ADGRB1: variants seen among roughly 807,000 people sequenced by gnomAD.
ADGRB1 encodes adhesion G protein-coupled receptor B1, also known as brain-specific angiogenesis inhibitor 1.
Under a neutral mutation model 175.7 loss-of-function variants are expected in ADGRB1, and 36 were observed. That is an observed-to-expected ratio of 0.20 (90% CI 0.16 to 0.27). The LOEUF is 0.27. ADGRB1 is among the 10% of genes least tolerant of loss of function. The pLI, the probability that ADGRB1 is intolerant of heterozygous loss-of-function variation, is 1.00. For missense variants in ADGRB1, 1,731 were observed against 2,255.3 expected, an observed-to-expected ratio of 0.77 and a Z score of 4.71; for synonymous variants, 1,054 against 979.4, an observed-to-expected ratio of 1.08 and a Z score of -1.42.
chr8:142,542,536 G>C lies in ADGRB1; in HGVS notation c.4302G>C (p.Pro1434=), dbSNP rs1028632485. The C allele has an allele frequency of 2.8e-6, 4 of 1,446,758 alleles. No individual in the cohort carries two copies. The highest frequency in any genetic ancestry group is 3.7e-6 in the Non-Finnish European group (4 of 1,090,840). The allele number at this position is 1,446,758 out of a possible 1,614,324, so 89.6% of individuals were successfully genotyped here. The change falls in exon 28 of 31, where the codon CCG becomes CCC. Residue 1434 remains proline (P), a synonymous_variant. Coordinates refer to ENST00000517894, the MANE Select transcript of ADGRB1 (RefSeq NM_001702.3). This position sits in a 1 kb window ranked among gnomAD's most constrained non-coding sequence, Gnocchi z 6.3. The stretch of plus-strand genomic sequence containing the variant: ...TGCCCCCACCGCCCAATCTGGAGCC[G>C]GCACCCCCCAGCCTGGGGGATCCCG... The part of the protein sequence containing the change: ...QPLPPPPNLE[P]APPSLGDPGE...
Position 142,510,916 on chromosome 8 carries a change from T to TTGCCCCC in ADGRB1, c.2676-16_2676-15insTGCCCCC. ...ACGCTCCGCCTGTCTCCCTCCCGTG[T>TTGCCCCC]CCCGCCCGCCCCCAGACCCTCCTCC... On this transcript the variant is annotated splice_polypyrimidine_tract_variant and intron_variant, in intron 17 of 30. Transcript: ENST00000517894. This position sits in a 1 kb window ranked among gnomAD's most constrained non-coding sequence, Gnocchi z 6.3. 1 of 969,724 alleles carries TTGCCCCC rather than the reference T, an allele frequency of 1.0e-6. No homozygotes were observed. The highest frequency in any genetic ancestry group is 1.3e-6 in the Non-Finnish European group (1 of 789,290). The allele number at this position is 969,724 out of a possible 1,614,324, so 60.1% of individuals were successfully genotyped here.
At chr8:142,538,564 G>T (rs1331524989) in intron 26 of ADGRB1, among the ~76,000 whole-genome samples, 1 of 152,208 alleles carries the variant, frequency 6.6e-6, no homozygotes, top group Admixed American at 6.5e-5. Flanking sequence ...CCCTGCATTT[G>T]CAGGGAAGAA....
chr8:142,476,477 C>T, intron 3 of ADGRB1, 108 bp from the exon 4 acceptor site: 2 of 971,266 alleles, frequency 2.1e-6, no homozygotes, highest in East Asian at 2.6e-5. Flanking sequence ...CCCAGCTGCC[C>T]AGTGGAGCCA....
At chr8:142,505,798 G>A (rs988054673) in intron 17 of ADGRB1, among the ~76,000 whole-genome samples, 20 of 152,324 alleles carry the variant, frequency 1.3e-4, no homozygotes, top group South Asian at 6.2e-4. Flanking sequence ...AAGGGGCGGC[G>A]GCCACAGTAG....
intron 17 of ADGRB1, among the ~76,000 whole-genome samples, chr8:142,496,688 C>T (rs915619639): frequency 4.6e-5 from 7 of 152,178 alleles, no homozygotes; most frequent in African/African-American, 1.7e-4. Flanking sequence ...TGCACTCTGT[C>T]TTTACTCGAA....
intron 27 of ADGRB1, among the ~76,000 whole-genome samples, chr8:142,541,330 G>C (rs1845259737): frequency 6.6e-6 from 1 of 152,092 alleles, no homozygotes; most frequent in Non-Finnish European, 1.5e-5. Context: ...CCTTGCAACT[G>C]ACCAGAGACA....
chr8:142,489,133 G>A (rs753037020), intron 15 of ADGRB1, 23 bp downstream of exon 15: 14 of 1,590,710 alleles, frequency 8.8e-6, no homozygotes, highest in Non-Finnish European at 1.1e-5. Context: ...GGGCAGGTGG[G>A]GTGGGCAGTG....
At position 142,492,369 on chromosome 8, in the gene ADGRB1, G is replaced by A. The variant is rs1316145591; in HGVS notation, c.2675+1554G>A. ...CCAGTGAGGAGGGATGGGGAACAGG[G>A]ACAGACGGAGCAGTGTGGTGATGCC... is the stretch of plus-strand genomic sequence containing the variant. On this transcript the variant is annotated intron_variant, in intron 17 of 30. Coordinates refer to ENST00000517894, the MANE Select transcript of ADGRB1 (RefSeq NM_001702.3). The surrounding 1 kb of genome is among the most constrained non-coding windows in gnomAD (Gnocchi z 4.4). Among the ~76,000 whole-genome samples, 1 of 152,172 alleles carries A rather than the reference G, an allele frequency of 6.6e-6. No homozygotes were observed. Among genetic ancestry groups the A allele is most frequent in the African/African-American group, 2.4e-5 (1 of 41,448 alleles).
chr8:142,497,832 C>T (rs559657651), intron 17 of ADGRB1, among the ~76,000 whole-genome samples: 2 of 152,330 alleles, frequency 1.3e-5, no homozygotes, highest in East Asian at 3.9e-4. Flanking sequence ...AGGGTCCTTG[C>T]CCATGCAGGG....
Position 142,464,178 on chromosome 8 carries a change from C to G in ADGRB1, c.-21C>G, listed in dbSNP as rs890803633. 6.4e-6 allele frequency: 8 copies of G among 1,258,350 alleles called. No individual in the cohort carries two copies. In the African/African-American group the frequency reaches 1.1e-4, roughly 17 times the overall value. The allele number at this position is 1,258,350 out of a possible 1,614,324, so 77.9% of individuals were successfully genotyped here. ...GCCTGCCTGCCCAGCCCGCGGAACC[C>G]CGGCGGCCCCGCGAGCTAGGATGAG... is the stretch of plus-strand genomic sequence containing the variant. On this transcript the variant is annotated 5_prime_UTR_variant, in exon 2 of 31. Coordinates refer to ENST00000517894, the MANE Select transcript of ADGRB1 (RefSeq NM_001702.3).
chr8:142,526,565 G>A lies in ADGRB1; in HGVS notation c.3336G>A (p.Leu1112=). 6.2e-7 allele frequency: 1 copy of A among 1,608,586 alleles called. No individual in the cohort carries two copies. The highest frequency in any genetic ancestry group is 1.7e-4 in the Middle Eastern group (1 of 6,052). ...VVLVNMVIGI[L]VFNKLVSKDG... ...AGGTGAACATGGTCATTGGGATCCT[G>A]GTGTTCAACAAGCTCGTGTCCAAAG... Residue 1112 remains leucine (L), a synonymous_variant, in exon 24 of 31, where the codon CTG becomes CTA. Coordinates refer to ENST00000517894, the MANE Select transcript of ADGRB1 (RefSeq NM_001702.3).
At chr8:142,460,172 G>A (rs564443816) in intron 1 of ADGRB1, among the ~76,000 whole-genome samples, 31 of 152,360 alleles carry the variant, frequency 2.0e-4, no homozygotes, top group African/African-American at 2.9e-4. Flanking sequence ...AGAAGGCTCC[G>A]GGGTGGCCCC....
intron 25 of ADGRB1, 89 bp downstream of exon 25, chr8:142,533,555 G>A: frequency 7.0e-7 from 1 of 1,422,292 alleles, no homozygotes; most frequent in South Asian, 1.4e-5. Flanking sequence ...CCTCGGCAGG[G>A]AGATTGTGGG....
In ADGRB1 at chr8:142,542,064, A is replaced by G. The variant is rs1378015359; in HGVS notation, c.3830A>G (p.Asn1277Ser). ...AHAKGPPTNF[N>S]SLPANVSKLH... The stretch of plus-strand genomic sequence containing the variant: ...GCCAAGGGGCCGCCCACCAATTTCA[A>G]CAGCCTGCCGGCCAACGTGTCCAAG... The change falls in exon 28 of 31, where the codon AAC becomes AGC. Residue 1277 changes from asparagine to serine, a missense_variant. Asn to Ser is a conservative substitution (Grantham distance 46, BLOSUM62 1). Coordinates refer to ENST00000517894, the MANE Select transcript of ADGRB1 (RefSeq NM_001702.3). The surrounding 1 kb of genome is among the most constrained non-coding windows in gnomAD (Gnocchi z 6.3). The G allele has an allele frequency of 6.2e-7, 1 of 1,612,756 alleles. No homozygotes were observed. The highest frequency in any genetic ancestry group is 1.1e-5 in the South Asian group (1 of 91,064).
At chr8:142,453,285 TC>T (rs1256246814) in intron 1 of ADGRB1, among the ~76,000 whole-genome samples, 1 of 151,984 alleles carries the variant, frequency 6.6e-6, no homozygotes, top group African/African-American at 2.4e-5. Flanking sequence ...CGGGGGCGGG[TC>T]TCGCGCCGGT....
Position 142,510,824 on chromosome 8 carries a change from C to G in ADGRB1, c.2676-108C>G. The stretch of plus-strand genomic sequence containing the variant: ...CGGGCGCAGGTGCGGGGCGGCGGGC[C>G]GGGGCCGGGGCCGGGGCGCGGAGCC... On this transcript the variant is annotated intron_variant, in intron 17 of 30. Transcript: ENST00000517894. The surrounding 1 kb of genome is among the most constrained non-coding windows in gnomAD (Gnocchi z 6.3). 1 of 474,950 alleles carries G rather than the reference C, an allele frequency of 2.1e-6. No homozygotes were observed. Among genetic ancestry groups the G allele is most frequent in the Non-Finnish European group, 2.7e-6 (1 of 367,460 alleles). The allele number at this position is 474,950 out of a possible 1,614,324, so 29.4% of individuals were successfully genotyped here. A position where few individuals can be genotyped will look rare whatever the true frequency, so the allele number is the denominator to read the frequency against.
At chr8:142,454,092 C>T (rs1363481494) in intron 1 of ADGRB1, among the ~76,000 whole-genome samples, 1 of 152,142 alleles carries the variant, frequency 6.6e-6, no homozygotes, top group African/African-American at 2.4e-5. Flanking sequence ...GGGTTGGTGG[C>T]TTGGCCTGAT....
intron 2 of ADGRB1, among the ~76,000 whole-genome samples, chr8:142,467,077 C>T (rs1368732039): frequency 1.3e-5 from 2 of 152,146 alleles, no homozygotes; most frequent in South Asian, 2.1e-4. Flanking sequence ...ACGCATGTGA[C>T]GCGTGGAGAG....
chr8:142,540,331 T>C (rs1030493998), intron 27 of ADGRB1, among the ~76,000 whole-genome samples: 1 of 152,266 alleles, frequency 6.6e-6, no homozygotes, highest in East Asian at 1.9e-4. Flanking sequence ...CCTTGGGGTC[T>C]CCTGTGAACC....
Sources: allele counts gnomAD v4.1 joint callset (sites outside exome capture counted in the v4.1 genomes callset), GRCh38; gene constraint gnomAD v4.1.1; non-coding constraint Gnocchi (gnomAD v3.1); transcripts MANE v1.5; gene names NCBI Gene and HGNC (gene_info 2026-07-23, HGNC 2026-07-21).